The following HNF1B variants were observed in gnomAD, a reference collection of about 807,000 sequenced individuals.
HNF1B encodes HNF1 homeobox B.
Under a neutral mutation model 61.7 loss-of-function variants are expected in HNF1B, and 8 were observed. The observed-to-expected ratio is 0.13, with a 90% CI of 0.08 to 0.23. The LOEUF (loss-of-function observed/expected upper bound fraction) is 0.23, where lower values mean the gene tolerates loss of function less well. Among genes scored for constraint, HNF1B ranks in the 10% least tolerant of loss-of-function variants. HNF1B has a pLI of 1.00. For synonymous variants in HNF1B, 314 were observed against 287.7 expected (o/e 1.09, Z -0.93); for missense variants, 562 against 714.5 (o/e 0.79, Z 2.43).
At position 37,690,001 on chromosome 17, in the gene HNF1B, G is replaced by A. The variant is rs114081936; in HGVS notation, c.1654-2609C>T. 9.8e-3 allele frequency among the ~76,000 whole-genome samples: 614 copies of A among 62,952 alleles called. 5 individuals are homozygous for A. Among genetic ancestry groups the A allele is most frequent in the Middle Eastern group, 0.027 (4 of 150 alleles). The allele number at this position is 62,952 out of a possible 152,430, so 41.3% of individuals were successfully genotyped here. ...GAATAATAAACAAGTAAACAAATGC[G>A]TGCACACACACACACACACACACAC... On this transcript the variant is annotated intron_variant, in intron 8 of 8. Coordinates refer to ENST00000617811, the MANE Select transcript of HNF1B (RefSeq NM_000458.4).
chr17:37,689,679 G>A (rs1268137612), intron 8 of HNF1B, among the ~76,000 whole-genome samples: 1 of 152,250 alleles, frequency 6.6e-6, no homozygotes, highest in Non-Finnish European at 1.5e-5. Flanking sequence ...CGTCTGAAAG[G>A]TGTGGTAGCT....
chr17:37,731,768 A>G lies in HNF1B; in HGVS notation c.872T>C (p.Val291Ala). 1 of 1,613,532 alleles carries G rather than the reference A, an allele frequency of 6.2e-7. No homozygotes were observed. The highest frequency in any genetic ancestry group is 1.3e-5 in the African/African-American group (1 of 74,780). ...CCAGTTGTAGACACGGACCTCAGTG[A>G]CCAAGTTGGAGCCCAGGCCGTGGGC... ...SKAHGLGSNL[V>A]TEVRVYNWFA... Residue 291 changes from valine (V) to alanine (A), a missense_variant, in exon 4 of 9, where the codon GTC becomes GCC. By Grantham distance (64) the Val-to-Ala change is moderately conservative (BLOSUM62 0). This residue lies in a region of HNF1B where 54 missense variants were observed against 122.1 expected (regional missense o/e 0.44). Coordinates refer to ENST00000617811, the MANE Select transcript of HNF1B (RefSeq NM_000458.4).
intron 4 of HNF1B, among the ~76,000 whole-genome samples, chr17:37,710,889 C>G (rs142861319): frequency 3.0e-4 from 46 of 152,268 alleles, no homozygotes; most frequent in African/African-American, 8.7e-4. Flanking sequence ...ATTTTTATCT[C>G]GTTTGTTTTG....
intron 2 of HNF1B, among the ~76,000 whole-genome samples, chr17:37,736,038 G>A (rs2033823583): frequency 6.6e-6 from 1 of 152,220 alleles, no homozygotes; most frequent in South Asian, 2.1e-4. Flanking sequence ...AAAGCATTGG[G>A]GTTACAGGCG....
intron 2 of HNF1B, among the ~76,000 whole-genome samples, 171 bp from the exon 3 acceptor site, chr17:37,733,992 C>T (rs1251567880): frequency 2.0e-5 from 3 of 152,226 alleles, no homozygotes; most frequent in Non-Finnish European, 4.4e-5. Flanking sequence ...TCAGCACAGG[C>T]CCTTACTGCC....
chr17:37,743,721 A>G (rs2034073692), intron 1 of HNF1B, among the ~76,000 whole-genome samples: 1 of 152,110 alleles, frequency 6.6e-6, no homozygotes. Flanking sequence ...GGACCCACAA[A>G]CGATCCCGGC....
rs116087881 is a variant in HNF1B, at chr17:37,732,828, G to A, written c.809+729C>T. Among the ~76,000 whole-genome samples the A allele has an allele frequency of 1.6e-3, 235 of 148,010 alleles. 1 individual carries two copies. Among genetic ancestry groups the A allele is most frequent in the African/African-American group, 5.9e-3 (231 of 39,224 alleles). On this transcript the variant is annotated intron_variant, in intron 3 of 8. Coordinates refer to ENST00000617811, the MANE Select transcript of HNF1B (RefSeq NM_000458.4). ...AAAAATAAATACTTAAAATAACACAGAGTTGTTTTTTTGTTTTTTTGTTTT... is the reference window on the plus strand; with the variant it reads ...AAAAATAAATACTTAAAATAACACAAAGTTGTTTTTTTGTTTTTTTGTTTT...
intron 8 of HNF1B, among the ~76,000 whole-genome samples, chr17:37,692,162 T>C (rs2032226173): frequency 6.6e-6 from 1 of 152,010 alleles, no homozygotes; most frequent in East Asian, 1.9e-4. Flanking sequence ...TGGCAGTAGA[T>C]GCAGAAGGAT....
At chr17:37,688,853 A>G (rs2032083933) in intron 8 of HNF1B, among the ~76,000 whole-genome samples, 1 of 152,134 alleles carries the variant, frequency 6.6e-6, no homozygotes, top group African/African-American at 2.4e-5. Flanking sequence ...TACTCTTAAG[A>G]GTGGGGCTGA....
At chr17:37,707,853 A>C (rs1342218032) in intron 5 of HNF1B, among the ~76,000 whole-genome samples, 2 of 151,706 alleles carry the variant, frequency 1.3e-5, no homozygotes, top group Admixed American at 1.3e-4. Context: ...ACATTTGGGC[A>C]TGGGGGCGGG....
At chr17:37,696,880 C>T (rs2032403630) in intron 8 of HNF1B, among the ~76,000 whole-genome samples, 1 of 152,208 alleles carries the variant, frequency 6.6e-6, no homozygotes, top group Admixed American at 6.5e-5. Context: ...CAGGAGGCAG[C>T]ACCTTTACCC....
intron 8 of HNF1B, among the ~76,000 whole-genome samples, chr17:37,696,186 T>A (rs12452659): frequency 6.6e-6 from 1 of 151,956 alleles, no homozygotes; most frequent in African/African-American, 2.4e-5. Context: ...GGCTCACACC[T>A]GTAATCCCAG....
At chr17:37,720,609 G>C (rs2033280773) in intron 4 of HNF1B, 1 of 178,538 alleles carries the variant, frequency 5.6e-6, no homozygotes, top group African/African-American at 2.4e-5. Flanking sequence ...TAAAACAGGG[G>C]GTTTCTGCAT....
At chr17:37,709,876 T>C (rs1413765417) in intron 5 of HNF1B, among the ~76,000 whole-genome samples, 5 of 152,202 alleles carry the variant, frequency 3.3e-5, no homozygotes, top group African/African-American at 1.2e-4. Flanking sequence ...TATTAAGAGC[T>C]GGAGCTGGGA....
chr17:37,702,860 T>C (rs1389897755), intron 6 of HNF1B, among the ~76,000 whole-genome samples: 4 of 152,316 alleles, frequency 2.6e-5, no homozygotes, highest in South Asian at 2.1e-4. Context: ...AATTCCAGGA[T>C]TGAGAGCCTC....
At chr17:37,703,730 G>A (rs2032647406) in intron 6 of HNF1B, among the ~76,000 whole-genome samples, 1 of 152,170 alleles carries the variant, frequency 6.6e-6, no homozygotes, top group South Asian at 2.1e-4. Context: ...CAAAATCAAT[G>A]CACTGTGTGT....
intron 4 of HNF1B, among the ~76,000 whole-genome samples, chr17:37,725,616 T>C (rs2033470216): frequency 6.6e-6 from 1 of 152,168 alleles, no homozygotes; most frequent in Non-Finnish European, 1.5e-5. Flanking sequence ...AAACCTCAAG[T>C]CAGTATGAAT....
At chr17:37,704,060 C>T (rs1036673448) in intron 6 of HNF1B, among the ~76,000 whole-genome samples, 3 of 152,230 alleles carry the variant, frequency 2.0e-5, no homozygotes, top group Non-Finnish European at 4.4e-5. Context: ...TCCAGCAATA[C>T]ATCCAAGGGT....
In HNF1B at chr17:37,703,085, G is replaced by GC. The variant is rs148971744; in HGVS notation, c.1339+1831dup. ...CTCCACAGGCTTCCGCAATTCTGAG[G>GC]CAGGGCCCATGGTACTCAACACATC... On this transcript the variant is annotated intron_variant, in intron 6 of 8. Transcript: ENST00000617811. Among the ~76,000 whole-genome samples, 1,502 of 152,332 alleles carry GC rather than the reference G, an allele frequency of 9.9e-3. 30 individuals are homozygous for GC. Among genetic ancestry groups the GC allele is most frequent in the African/African-American group, 0.033 (1,378 of 41,572 alleles).
Sources: gnomAD v4.1 joint callset for allele counts (sites outside exome capture counted in the v4.1 genomes callset) on GRCh38, gnomAD v4.1.1 for gene constraint, gnomAD v4.1.1 regional missense constraint, MANE v1.5 for transcripts, NCBI Gene and HGNC (gene_info 2026-07-23, HGNC 2026-07-21) for gene names.